Variants in CATSPERE observed in about 807,000 individuals in gnomAD.
The protein encoded by CATSPERE is cation channel sperm-associated auxiliary subunit epsilon.
CATSPERE carries 93 observed loss-of-function variants against 114.1 expected under a neutral mutation model. That is an observed-to-expected ratio of 0.81 (90% CI 0.69 to 0.97). The LOEUF (loss-of-function observed/expected upper bound fraction) is 0.97, where lower values mean the gene tolerates loss of function less well. CATSPERE is among the 50% of genes least tolerant of loss of function. The pLI is 0.00. For synonymous variants in CATSPERE, 341 were observed against 384.1 expected (o/e 0.89, Z 1.31); for missense variants, 1,058 against 1,131.6 (o/e 0.93, Z 0.93).
intron 19 of CATSPERE, among the ~76,000 whole-genome samples, chr1:244,613,150 C>T (rs1236854094): frequency 6.6e-6 from 1 of 152,160 alleles, no homozygotes; most frequent in East Asian, 1.9e-4. Flanking sequence ...TCCAAACATA[C>T]TTAGAATATA....
chr1:244,506,739 TCAAA>T (rs1228495577), intron 7 of CATSPERE, among the ~76,000 whole-genome samples: 1 of 152,192 alleles, frequency 6.6e-6, no homozygotes, highest in Non-Finnish European at 1.5e-5. Context: ...ATCCATCACC[TCAAA>T]CATTTATCTT....
At chr1:244,602,954 AG>A (rs1669475858) in intron 17 of CATSPERE, among the ~76,000 whole-genome samples, 4 of 152,084 alleles carry the variant, frequency 2.6e-5, no homozygotes, top group Admixed American at 2.6e-4. Context: ...AGAGGGAGTG[AG>A]GGGGAAATGT....
chr1:244,625,434 T>A (rs865939850), intron 20 of CATSPERE, among the ~76,000 whole-genome samples: 15 of 21,108 alleles, frequency 7.1e-4, no homozygotes, highest in African/African-American at 3.5e-3. Context: ...ATATATATAT[T>A]TTTTTTTTTT....
At chr1:244,467,121 CTT>C (rs1667726332) in intron 2 of CATSPERE, among the ~76,000 whole-genome samples, 1 of 152,118 alleles carries the variant, frequency 6.6e-6, no homozygotes, top group Non-Finnish European at 1.5e-5. Context: ...AATCAGGAGT[CTT>C]TAGTTAATTT....
At chr1:244,586,221 C>T (rs971946244) in intron 13 of CATSPERE, among the ~76,000 whole-genome samples, 4 of 152,204 alleles carry the variant, frequency 2.6e-5, no homozygotes, top group African/African-American at 9.7e-5. Flanking sequence ...ACTATACCTG[C>T]AACTCCTTTT....
At chr1:244,622,401 C>CTTT (rs142928066) in intron 20 of CATSPERE, among the ~76,000 whole-genome samples, 5 of 90,546 alleles carry the variant, frequency 5.5e-5, no homozygotes, top group East Asian at 3.1e-4. Context: ...CTTTCCTTTT[C>CTTT]TTTTTTTTTT....
At chr1:244,514,906 G>GT (rs1366659094) in intron 7 of CATSPERE, among the ~76,000 whole-genome samples, 1 of 151,204 alleles carries the variant, frequency 6.6e-6, no homozygotes, top group Non-Finnish European at 1.5e-5. Context: ...AGTTAATAAC[G>GT]TATCAGCATC....
intron 6 of CATSPERE, 101 bp downstream of exon 6, chr1:244,490,572 T>C: frequency 1.3e-6 from 1 of 781,428 alleles, no homozygotes; most frequent in Non-Finnish European, 2.1e-6. Context: ...TTCAAATGAA[T>C]TTTGCAATGA....
At chr1:244,576,471 C>T (rs67415921) in intron 11 of CATSPERE, among the ~76,000 whole-genome samples, 27,402 of 148,646 alleles carry the variant, frequency 0.18, 3,673 homozygotes, top group East Asian at 0.41. Flanking sequence ...CTCGCCATTG[C>T]TCCATCTGCG....
At chr1:244,570,745 A>G (rs1664310257) in intron 10 of CATSPERE, among the ~76,000 whole-genome samples, 1 of 152,252 alleles carries the variant, frequency 6.6e-6, no homozygotes, top group African/African-American at 2.4e-5. Flanking sequence ...ATGGGATCAG[A>G]AAACTAGGTG....
intron 6 of CATSPERE, among the ~76,000 whole-genome samples, chr1:244,490,860 C>G (rs986869598): frequency 6.6e-6 from 1 of 151,854 alleles, no homozygotes; most frequent in Non-Finnish European, 1.5e-5. Context: ...CGTTAATTAA[C>G]ATATAATAAA....
intron 7 of CATSPERE, among the ~76,000 whole-genome samples, chr1:244,511,462 A>G (rs1305568095): frequency 2.0e-5 from 3 of 152,102 alleles, no homozygotes; most frequent in Non-Finnish European, 2.9e-5. Context: ...TTTACATTAC[A>G]TTCAAGGTTA....
rs765883827 is a variant in CATSPERE at position 244,504,538 on chromosome 1, A to G, written c.429+5459A>G. 2.0e-5 allele frequency among the ~76,000 whole-genome samples: 3 copies of G among 152,198 alleles called. No homozygotes were observed. Among genetic ancestry groups the G allele is most frequent in the Non-Finnish European group, 2.9e-5 (2 of 68,038 alleles). ...AATCCCACCAGGAATAGCAAATTATATTTAGTTGTCTTGTCTCTTTACGTT... is the reference window on the plus strand; with the variant it reads ...AATCCCACCAGGAATAGCAAATTATGTTTAGTTGTCTTGTCTCTTTACGTT... On this transcript the variant is annotated intron_variant, in intron 7 of 21. Transcript: ENST00000366534. The surrounding 1 kb of genome is among the most constrained non-coding windows in gnomAD (Gnocchi z 4.1).
At chr1:244,459,486 G>A (rs1022068621), upstream of CATSPERE, among the ~76,000 whole-genome samples, 43 of 152,200 alleles carry the variant, frequency 2.8e-4, no homozygotes, top group African/African-American at 1.0e-3. Context: ...TGCACTTTAT[G>A]CAAATAATCA....
intron 5 of CATSPERE, among the ~76,000 whole-genome samples, chr1:244,480,060 T>C (rs1558334977): frequency 6.6e-6 from 1 of 152,242 alleles, no homozygotes; most frequent in Non-Finnish European, 1.5e-5. Context: ...TAAGTCTTTA[T>C]AGTTGTGGAA....
At chr1:244,499,933 A>G (rs1241104823) in intron 7 of CATSPERE, among the ~76,000 whole-genome samples, 1 of 152,142 alleles carries the variant, frequency 6.6e-6, no homozygotes, top group East Asian at 1.9e-4. Flanking sequence ...GTCTTCCACA[A>G]TGGTTGAACT....
At position 244,590,783 on chromosome 1, in the gene CATSPERE, G is replaced by A. The variant is rs140149589; in HGVS notation, c.2139-898G>A. ...GTATTAGTCCTTCCTTCCCTTTTAC[G>A]GCTGAGTAATATTCCATTGAATGGA... is the stretch of plus-strand genomic sequence containing the variant. On this transcript the variant is annotated intron_variant, in intron 14 of 21. Transcript: ENST00000366534. Among the ~76,000 whole-genome samples the A allele has an allele frequency of 1.1e-4, 16 of 152,172 alleles. No individual in the cohort carries two copies. The East Asian group carries it at 1.7e-3, about 16-fold the overall frequency.
intron 17 of CATSPERE, among the ~76,000 whole-genome samples, chr1:244,598,205 A>G (rs1391331075): frequency 6.6e-6 from 1 of 152,228 alleles, no homozygotes; most frequent in Non-Finnish European, 1.5e-5. Context: ...AGAAGGGGAA[A>G]CAGGGATAGC....
At chr1:244,620,118 C>T (rs1175063359) in intron 20 of CATSPERE, among the ~76,000 whole-genome samples, 2 of 152,024 alleles carry the variant, frequency 1.3e-5, no homozygotes, top group East Asian at 1.9e-4. Context: ...TGTATGTGGC[C>T]GAAATTCCTT....
Sources: allele counts gnomAD v4.1 joint callset (sites outside exome capture counted in the v4.1 genomes callset), GRCh38; gene constraint gnomAD v4.1.1; non-coding constraint Gnocchi (gnomAD v3.1); transcripts MANE v1.5; gene names NCBI Gene and HGNC (gene_info 2026-07-23, HGNC 2026-07-21).